MPPED1: variants seen among roughly 807,000 people sequenced by gnomAD.
MPPED1 encodes metallophosphoesterase domain-containing protein 1.
Under a neutral mutation model 36.2 loss-of-function variants are expected in MPPED1, and 16 were observed. That is an observed-to-expected ratio of 0.44 (90% CI 0.30 to 0.67). The LOEUF is 0.67. MPPED1 is among the 30% of genes least tolerant of loss of function. MPPED1 has a pLI of 0.10. For missense variants in MPPED1, 307 were observed against 453.4 expected, an observed-to-expected ratio of 0.68 and a Z score of 2.93; for synonymous variants, 199 against 191.3, an observed-to-expected ratio of 1.04 and a Z score of -0.33.
In MPPED1 at chr22:43,505,749, C is replaced by T; in HGVS notation, c.*133C>T. ...GACTGGCCTAGCAGGCAGGTCAGGG[C>T]CTTGGAACGACTCTTTAGCCTTCTG... On this transcript the variant is annotated 3_prime_UTR_variant, in exon 7 of 7. Coordinates refer to ENST00000443721, the MANE Select transcript of MPPED1 (RefSeq NM_001044370.2). 1 of 708,718 alleles carries T rather than the reference C, an allele frequency of 1.4e-6. No individual in the cohort carries two copies. The highest frequency in any genetic ancestry group is 2.7e-5 in the East Asian group (1 of 36,518). 43.9% of individuals were successfully genotyped at this position (708,718 alleles called of 1,614,324 possible).
chr22:43,458,354 C>T (rs145286097), intron 3 of MPPED1, among the ~76,000 whole-genome samples: 3,589 of 151,360 alleles, frequency 0.024, 149 homozygotes, highest in African/African-American at 0.083. Context: ...GTTGTGATCT[C>T]GGCTCACTGC....
At position 43,459,666 on chromosome 22, in the gene MPPED1, A is replaced by G. The variant is rs186408880; in HGVS notation, c.407-15070A>G. The stretch of plus-strand genomic sequence containing the variant: ...TTTTACTTTTCAACTCCAGAATTGG[A>G]TTCTTTTTTATAGTTATATCTCCTT... On this transcript the variant is annotated intron_variant, in intron 3 of 6. Transcript: ENST00000443721. Among the ~76,000 whole-genome samples the G allele has an allele frequency of 3.0e-3, 451 of 152,284 alleles. 5 individuals carry two copies. Among genetic ancestry groups the G allele is most frequent in the Admixed American group, 0.026 (402 of 15,284 alleles).
intron 3 of MPPED1, 24 bp downstream of exon 3, chr22:43,435,239 G>A: frequency 6.3e-7 from 1 of 1,589,598 alleles, no homozygotes; most frequent in Non-Finnish European, 8.5e-7. Context: ...GCCCCGGGCG[G>A]GCGGCTGTGC....
At chr22:43,449,358 C>T (rs961611632) in intron 3 of MPPED1, among the ~76,000 whole-genome samples, 2 of 152,062 alleles carry the variant, frequency 1.3e-5, no homozygotes, top group Non-Finnish European at 2.9e-5. Flanking sequence ...TCACGCAGGT[C>T]TCCAGGGCAG....
intron 3 of MPPED1, among the ~76,000 whole-genome samples, chr22:43,441,296 A>G (rs135059): frequency 0.66 from 99,543 of 151,938 alleles, 33,946 homozygotes; most frequent in African/African-American, 0.81. Context: ...GACGTCTGCA[A>G]TCATCTATTG....
At position 43,502,346 on chromosome 22, in the gene MPPED1, C is replaced by T. The variant is rs867587476; in HGVS notation, c.749-298C>T. Among the ~76,000 whole-genome samples, 14 of 152,256 alleles carry T rather than the reference C, an allele frequency of 9.2e-5. No homozygotes were observed. In the South Asian group the frequency reaches 1.2e-3, roughly 14 times the overall value. On this transcript the variant is annotated intron_variant, in intron 5 of 6. Transcript: ENST00000443721. This position sits in a 1 kb window ranked among gnomAD's most constrained non-coding sequence, Gnocchi z 5.5. The stretch of plus-strand genomic sequence containing the variant: ...ACTCGAGCACAGATGGTCTGGGGGG[C>T]GCCAGCAGTTACTGAGCACCCCACC...
chr22:43,417,413 G>A (rs1171703704), intron 1 of MPPED1, among the ~76,000 whole-genome samples: 5 of 150,540 alleles, frequency 3.3e-5, no homozygotes, highest in African/African-American at 1.2e-4. Context: ...TTCTCCCATT[G>A]GGGTATTTGC....
At chr22:43,423,541 A>G (rs936178590) in intron 1 of MPPED1, among the ~76,000 whole-genome samples, 1 of 152,200 alleles carries the variant, frequency 6.6e-6, no homozygotes, top group Non-Finnish European at 1.5e-5. Flanking sequence ...AAGTGTCTTT[A>G]GAGGTCTGTG....
chr22:43,495,357 T>C (rs1932237329), intron 4 of MPPED1, among the ~76,000 whole-genome samples: 1 of 132,272 alleles, frequency 7.6e-6, no homozygotes, highest in Admixed American at 7.9e-5. Context: ...TTGATGGAGG[T>C]GATGGTGGTG....
At chr22:43,500,239 A>T (rs1247093012) in intron 5 of MPPED1, among the ~76,000 whole-genome samples, 2 of 73,112 alleles carry the variant, frequency 2.7e-5, no homozygotes, top group African/African-American at 7.3e-5. Flanking sequence ...GTGGTGATGG[A>T]GGTGGCAGTG....
At chr22:43,475,237 A>G (rs1931506925) in intron 4 of MPPED1, among the ~76,000 whole-genome samples, 1 of 152,018 alleles carries the variant, frequency 6.6e-6, no homozygotes. Context: ...TCTCCATTTT[A>G]CAGGTGAGGA....
Position 43,435,940 on chromosome 22 carries a change from T to C in MPPED1, c.406+725T>C, listed in dbSNP as rs140651366. Reference sequence around the variant, plus strand: ...GACACACAGAATGGTGGTGCCAGGGTAGGTGCTCAGCTGGTTCATCCTAGC... The same window carrying C: ...GACACACAGAATGGTGGTGCCAGGGCAGGTGCTCAGCTGGTTCATCCTAGC... On this transcript the variant is annotated intron_variant, in intron 3 of 6. Coordinates refer to ENST00000443721, the MANE Select transcript of MPPED1 (RefSeq NM_001044370.2). Among the ~76,000 whole-genome samples, 89 of 152,220 alleles carry C rather than the reference T, an allele frequency of 5.8e-4. 5 individuals are homozygous for C. In the East Asian group the frequency reaches 0.017, roughly 29 times the overall value.
intron 2 of MPPED1, among the ~76,000 whole-genome samples, chr22:43,433,539 A>G (rs1929841251): frequency 6.6e-6 from 1 of 151,104 alleles, no homozygotes; most frequent in Admixed American, 6.6e-5. Flanking sequence ...TTTTCCTCCC[A>G]GCGTAGACCA....
At chr22:43,499,950 G>A (rs868832611) in intron 5 of MPPED1, among the ~76,000 whole-genome samples, 9 of 104,558 alleles carry the variant, frequency 8.6e-5, no homozygotes, top group South Asian at 3.2e-4. Context: ...GGTGGTGGTG[G>A]TGGTGATGGA....
At position 43,441,845 on chromosome 22, in the gene MPPED1, C is replaced by A. The variant is rs917335757; in HGVS notation, c.406+6630C>A. The stretch of plus-strand genomic sequence containing the variant: ...CCTCATTTGCCACTGCATGGAAGGT[C>A]TGAGGCTGCAGGGGGTTTGCCTGGA... On this transcript the variant is annotated intron_variant, in intron 3 of 6. Transcript: ENST00000443721. Among the ~76,000 whole-genome samples the A allele has an allele frequency of 3.3e-5, 5 of 152,212 alleles. 1 individual carries two copies. Among genetic ancestry groups the A allele is most frequent in the Non-Finnish European group, 7.3e-5 (5 of 68,044 alleles).
chr22:43,466,926 C>T (rs1050464381), intron 3 of MPPED1, among the ~76,000 whole-genome samples: 3 of 152,186 alleles, frequency 2.0e-5, no homozygotes, highest in African/African-American at 4.8e-5. Context: ...GCGTGGCTTG[C>T]GTTTTTAGAG....
In MPPED1 at chr22:43,424,972, G is replaced by C. The variant is rs866735688; in HGVS notation, c.-14G>C. On this transcript the variant is annotated 5_prime_UTR_variant, in exon 2 of 7. Coordinates refer to ENST00000443721, the MANE Select transcript of MPPED1 (RefSeq NM_001044370.2). Reference sequence around the variant, plus strand: ...GGCAGCGGTGGGAGATGCCGGGGCGGCCGGCGGAGGTCCATGTGGCGCTCT... The same window carrying C: ...GGCAGCGGTGGGAGATGCCGGGGCGCCCGGCGGAGGTCCATGTGGCGCTCT... The C allele has an allele frequency of 6.4e-7, 1 of 1,568,114 alleles. No individual in the cohort carries two copies. Among genetic ancestry groups the C allele is most frequent in the East Asian group, 2.4e-5 (1 of 41,976 alleles).
intron 3 of MPPED1, among the ~76,000 whole-genome samples, chr22:43,468,889 T>C (rs573015921): frequency 9.9e-5 from 15 of 151,616 alleles, no homozygotes; most frequent in African/African-American, 3.6e-4. Flanking sequence ...TGAGGGGAGG[T>C]GGATGAGAAA....
At chr22:43,488,094 G>C (rs547904775) in intron 4 of MPPED1, among the ~76,000 whole-genome samples, 1 of 152,154 alleles carries the variant, frequency 6.6e-6, no homozygotes. Context: ...CTCTCTTGGG[G>C]GGGTGTGAGG....
Sources: allele counts gnomAD v4.1 joint callset (sites outside exome capture counted in the v4.1 genomes callset), GRCh38; gene constraint gnomAD v4.1.1; non-coding constraint Gnocchi (gnomAD v3.1); transcripts MANE v1.5; gene names NCBI Gene and HGNC (gene_info 2026-07-23, HGNC 2026-07-21).